TAPT1: variants seen among roughly 807,000 people sequenced by gnomAD.
The protein encoded by TAPT1 is transmembrane anterior posterior transformation protein 1 homolog.
In TAPT1, 28 loss-of-function variants were observed where a neutral mutation model predicts 65.6. That is an observed-to-expected ratio of 0.43 (90% CI 0.32 to 0.59). The LOEUF (loss-of-function observed/expected upper bound fraction) is 0.59. Among genes scored for constraint, TAPT1 ranks in the 20% least tolerant of loss-of-function variants. The probability of loss-of-function intolerance (pLI) is 0.09; values close to 1 mark genes in which losing one functional copy is unlikely to be tolerated. For synonymous variants in TAPT1, 278 were observed against 245.2 expected, an observed-to-expected ratio of 1.13 and a Z score of -1.25; for missense variants, 563 against 679.9, an observed-to-expected ratio of 0.83 and a Z score of 1.91.
At chr4:16,176,355 AT>A (rs1321506105) in intron 8 of TAPT1, 127 bp from the exon 9 acceptor site, 2 of 570,232 alleles carry the variant, frequency 3.5e-6, no homozygotes, top group African/African-American at 3.8e-5. Context: ...ATGAACTAGC[AT>A]TCAATTATAA....
intron 3 of TAPT1, among the ~76,000 whole-genome samples, chr4:16,194,810 T>A (rs930883655): frequency 3.9e-5 from 6 of 151,988 alleles, no homozygotes; most frequent in Non-Finnish European, 8.8e-5. Context: ...ATTATTCATA[T>A]AAAGAATACA....
rs1019991243 is a variant in TAPT1 at position 16,186,740 on chromosome 4, C to T, written c.846+41G>A. The T allele has an allele frequency of 2.7e-6, 4 of 1,469,870 alleles. No individual in the cohort carries two copies. The African/African-American group carries it at 4.2e-5, about 15-fold the overall frequency. 91.1% of individuals were successfully genotyped at this position (1,469,870 alleles called of 1,614,324 possible). ...CACCCAGAGTATTGCAGCTGAAATG[C>T]CTGTATAACTTCAAAAATGTAAGAT... On this transcript the variant is annotated intron_variant, in intron 6 of 13. Transcript: ENST00000405303.
intron 10 of TAPT1, 145 bp downstream of exon 10, chr4:16,174,525 G>A (rs1748204975): frequency 4.1e-6 from 3 of 728,706 alleles, no homozygotes; most frequent in African/African-American, 1.8e-5. Context: ...ATTTGTAAAT[G>A]TTTATTTAGT....
At chr4:16,208,609 T>C (rs1750474407) in intron 2 of TAPT1, among the ~76,000 whole-genome samples, 2 of 152,180 alleles carry the variant, frequency 1.3e-5, no homozygotes, top group African/African-American at 4.8e-5. Context: ...CCAAAGCCAA[T>C]TTGCCAAGGA....
intron 5 of TAPT1, among the ~76,000 whole-genome samples, 189 bp downstream of exon 5, chr4:16,188,031 T>C (rs1452996575): frequency 1.3e-5 from 2 of 152,232 alleles, no homozygotes; most frequent in Non-Finnish European, 2.9e-5. Flanking sequence ...GAGTAATGCC[T>C]ACATGAGGCT....
chr4:16,227,156 A>G (rs986379136), upstream of TAPT1: 2 of 455,624 alleles, frequency 4.4e-6, no homozygotes, highest in African/African-American at 2.0e-5. Flanking sequence ...GGCAAGAAGG[A>G]GCTTGGGCAG....
At chr4:16,225,783 C>G (rs952845977) in intron 1 of TAPT1, 2 of 617,728 alleles carry the variant, frequency 3.2e-6, no homozygotes, top group Non-Finnish European at 4.0e-6. Flanking sequence ...ACTACCACAC[C>G]GTCAGCTGTC....
chr4:16,188,156 C>T (rs929099367), intron 5 of TAPT1, 64 bp downstream of exon 5: 61 of 1,394,754 alleles, frequency 4.4e-5, no homozygotes, highest in Admixed American at 7.0e-5. Context: ...AAATGGCTAA[C>T]CAAATAAAAT....
chr4:16,215,650 T>C (rs574069174), intron 1 of TAPT1, among the ~76,000 whole-genome samples: 29 of 152,334 alleles, frequency 1.9e-4, no homozygotes, highest in African/African-American at 7.0e-4. Flanking sequence ...TATCTACATG[T>C]GTCGTACTTT....
chr4:16,220,635 G>A (rs1751201115), intron 1 of TAPT1, among the ~76,000 whole-genome samples: 3 of 151,926 alleles, frequency 2.0e-5, no homozygotes, highest in African/African-American at 7.3e-5. Flanking sequence ...TGCAGTCCCA[G>A]CTACTTGGGA....
chr4:16,166,182 G>A (rs921110083), intron 13 of TAPT1, among the ~76,000 whole-genome samples: 1 of 152,244 alleles, frequency 6.6e-6, no homozygotes, highest in African/African-American at 2.4e-5. Flanking sequence ...TGGATGTGCT[G>A]TCTCGGGCTC....
At chr4:16,194,304 G>A (rs1286080367) in intron 3 of TAPT1, among the ~76,000 whole-genome samples, 1 of 152,176 alleles carries the variant, frequency 6.6e-6, no homozygotes, top group Non-Finnish European at 1.5e-5. Flanking sequence ...ATTCCTTTCA[G>A]TGTTCACAAT....
intron 7 of TAPT1, among the ~76,000 whole-genome samples, chr4:16,182,382 T>C (rs923693760): frequency 3.9e-5 from 6 of 152,310 alleles, no homozygotes; most frequent in Non-Finnish European, 8.8e-5. Flanking sequence ...TGATTAAAAA[T>C]TAAAATTTCT....
At chr4:16,175,421 G>A (rs1424851030) in intron 9 of TAPT1, among the ~76,000 whole-genome samples, 1 of 152,046 alleles carries the variant, frequency 6.6e-6, no homozygotes, top group African/African-American at 2.4e-5. Context: ...TGTTGCAACT[G>A]CATTTTATTT....
At position 16,201,366 on chromosome 4, in the gene TAPT1, A is replaced by G. The variant is rs886188906; in HGVS notation, c.449+1096T>C. ...TCAACTGCTATGGTTAAATTATTTT[A>G]TTAATTATATATTTTATACACCACG... On this transcript the variant is annotated intron_variant, in intron 3 of 13. Coordinates refer to ENST00000405303, the MANE Select transcript of TAPT1 (RefSeq NM_153365.3). Among the ~76,000 whole-genome samples, 10 of 152,308 alleles carry G rather than the reference A, an allele frequency of 6.6e-5. No homozygotes were observed. The East Asian group carries it at 1.9e-3, about 29-fold the overall frequency.
At chr4:16,166,991 C>CTTTTTTTTTTTT (rs5856341) in intron 12 of TAPT1, 198 bp from the exon 13 acceptor site, 4 of 160,676 alleles carry the variant, frequency 2.5e-5, no homozygotes, top group South Asian at 9.1e-5. Context: ...CCTTAGTTCT[C>CTTTTTTTTTTTT]TTTTTTTTTT....
At chr4:16,205,251 C>A (rs1424620485) in intron 2 of TAPT1, among the ~76,000 whole-genome samples, 1 of 152,140 alleles carries the variant, frequency 6.6e-6, no homozygotes, top group African/African-American at 2.4e-5. Context: ...AATGATTTTG[C>A]AATATATCTC....
At chr4:16,203,591 G>C (rs1750170869) in intron 2 of TAPT1, among the ~76,000 whole-genome samples, 1 of 152,148 alleles carries the variant, frequency 6.6e-6, no homozygotes, top group African/African-American at 2.4e-5. Context: ...TATAAAAGAG[G>C]AAATTTGGAC....
intron 3 of TAPT1, among the ~76,000 whole-genome samples, chr4:16,195,220 T>A (rs1749632059): frequency 6.6e-6 from 1 of 152,208 alleles, no homozygotes; most frequent in Non-Finnish European, 1.5e-5. Context: ...ATTTGTTCCT[T>A]CTCTGCCAGG....
Sources: gnomAD v4.1 joint callset for allele counts (sites outside exome capture counted in the v4.1 genomes callset) on GRCh38, gnomAD v4.1.1 for gene constraint, MANE v1.5 for transcripts, NCBI Gene and HGNC (gene_info 2026-07-23, HGNC 2026-07-21) for gene names.